Variants in TNNI3K observed in about 807,000 individuals in gnomAD.
TNNI3K encodes TNNI3 interacting kinase, also known as serine/threonine-protein kinase TNNI3K.
A neutral mutation model predicts 114.5 loss-of-function variants in TNNI3K; 140 were observed. That is an observed-to-expected ratio of 1.22 (90% CI 1.07 to 1.41). The LOEUF is 1.41. TNNI3K is among the 40% of genes most tolerant of loss of function. The pLI, the probability that TNNI3K is intolerant of heterozygous loss-of-function variation, is 0.00. For missense variants in TNNI3K, 1,125 were observed against 1,007.6 expected, an observed-to-expected ratio of 1.12 and a Z score of -1.58; for synonymous variants, 347 against 347.5, an observed-to-expected ratio of 1.00 and a Z score of 0.02.
At chr1:74,278,137 C>CTCCT (rs1557469482) in intron 5 of TNNI3K, among the ~76,000 whole-genome samples, 1 of 152,080 alleles carries the variant, frequency 6.6e-6, no homozygotes, top group Non-Finnish European at 1.5e-5. Context: ...GTTTCTCTCT[C>CTCCT]TCTCTTATTT....
chr1:74,345,774 C>G (rs2100452424), intron 9 of TNNI3K: 1 of 152,234 alleles, frequency 6.6e-6, no homozygotes, highest in Non-Finnish European at 1.5e-5. Flanking sequence ...AGGGAAACTA[C>G]AGGAAAAGAA....
rs145038803 is a variant in TNNI3K, at chr1:74,393,193, T to G, written c.1772+22801T>G. Among the ~76,000 whole-genome samples, 328 of 152,250 alleles carry G rather than the reference T, an allele frequency of 2.2e-3. 2 individuals are homozygous for G. Among genetic ancestry groups the G allele is most frequent in the African/African-American group, 7.5e-3 (312 of 41,544 alleles). Reference sequence around the variant, plus strand: ...TTTTCTTCAATTTTATTCTATATGCTATCTCAGATCATTAAAGCAGTGGAG... The same window carrying G: ...TTTTCTTCAATTTTATTCTATATGCGATCTCAGATCATTAAAGCAGTGGAG... On this transcript the variant is annotated intron_variant, in intron 17 of 24. Transcript: ENST00000326637.
chr1:74,354,902 A>T (rs1276120827), intron 11 of TNNI3K, among the ~76,000 whole-genome samples: 2 of 152,190 alleles, frequency 1.3e-5, no homozygotes, highest in Non-Finnish European at 2.9e-5. Flanking sequence ...AATAAAGATG[A>T]TTGATAACAA....
chr1:74,314,738 A>G (rs906662961), intron 5 of TNNI3K, among the ~76,000 whole-genome samples: 3 of 152,186 alleles, frequency 2.0e-5, no homozygotes, highest in Admixed American at 6.5e-5. Flanking sequence ...TAGTGAAAAA[A>G]TATATATGTA....
Position 74,330,077 on chromosome 1 carries a change from G to A in TNNI3K, c.445-1373G>A, listed in dbSNP as rs114349806. ...CATTTGAAGGAAATTATTTCAATGT[G>A]TTGAACAGAAAAGAGAGACTCGAAG... On this transcript the variant is annotated intron_variant, in intron 5 of 24. Coordinates refer to ENST00000326637, the MANE Select transcript of TNNI3K (RefSeq NM_015978.3). Among the ~76,000 whole-genome samples, 703 of 152,156 alleles carry A rather than the reference G, an allele frequency of 4.6e-3. 6 individuals carry two copies. Among genetic ancestry groups the A allele is most frequent in the South Asian group, 0.013 (62 of 4,814 alleles).
intron 23 of TNNI3K, among the ~76,000 whole-genome samples, chr1:74,498,523 T>C (rs1352064412): frequency 2.0e-5 from 3 of 152,174 alleles, no homozygotes; most frequent in Non-Finnish European, 2.9e-5. Context: ...TTTAATTGCA[T>C]GTGGTGAATA....
intron 5 of TNNI3K, among the ~76,000 whole-genome samples, chr1:74,281,479 A>G (rs1433368393): frequency 6.6e-6 from 1 of 152,110 alleles, no homozygotes; most frequent in Admixed American, 6.6e-5. Flanking sequence ...AGTTGTAAAG[A>G]AAAAATGTGG....
At chr1:74,465,110 G>C (rs758628714) in intron 21 of TNNI3K, among the ~76,000 whole-genome samples, 9 of 152,212 alleles carry the variant, frequency 5.9e-5, no homozygotes, top group Non-Finnish European at 1.3e-4. Context: ...GAGCTATTGA[G>C]AGATGACAAC....
intron 5 of TNNI3K, among the ~76,000 whole-genome samples, chr1:74,283,749 A>G (rs1350021011): frequency 6.6e-6 from 1 of 152,138 alleles, no homozygotes; most frequent in East Asian, 1.9e-4. Context: ...CCAACATCCT[A>G]GGTCCTCTAT....
intron 9 of TNNI3K, among the ~76,000 whole-genome samples, chr1:74,351,709 C>T (rs1029299530): frequency 5.9e-5 from 9 of 152,170 alleles, no homozygotes; most frequent in Admixed American, 4.6e-4. Flanking sequence ...CACTTCATTT[C>T]ATTGATTTTG....
chr1:74,435,044 G>A (rs1247244121), intron 17 of TNNI3K, among the ~76,000 whole-genome samples: 3 of 151,820 alleles, frequency 2.0e-5, no homozygotes, highest in Admixed American at 6.6e-5. Flanking sequence ...ATATAATATA[G>A]CCCATATGCA....
intron 4 of TNNI3K, among the ~76,000 whole-genome samples, chr1:74,268,548 A>T (rs1656152832): frequency 6.7e-6 from 1 of 149,766 alleles, no homozygotes; most frequent in Non-Finnish European, 1.5e-5. Context: ...AGGTAAAGGG[A>T]AAGGAGAAAG....
intron 5 of TNNI3K, among the ~76,000 whole-genome samples, chr1:74,315,541 A>G (rs908444004): frequency 6.6e-6 from 1 of 152,036 alleles, no homozygotes; most frequent in East Asian, 1.9e-4. Context: ...TTTGACAAAT[A>G]AAACCAAGTT....
intron 11 of TNNI3K, among the ~76,000 whole-genome samples, chr1:74,359,355 A>G (rs982545271): frequency 1.3e-5 from 2 of 152,034 alleles, no homozygotes; most frequent in Admixed American, 1.3e-4. Flanking sequence ...TCGAATCCAC[A>G]TAACTCCCAA....
chr1:74,300,523 C>T (rs568768656), intron 5 of TNNI3K, among the ~76,000 whole-genome samples: 2 of 152,146 alleles, frequency 1.3e-5, no homozygotes, highest in East Asian at 3.9e-4. Flanking sequence ...TACTAGAGGA[C>T]AAAGTGAAAG....
chr1:74,246,881 C>T (rs1329602239), intron 2 of TNNI3K, among the ~76,000 whole-genome samples: 1 of 152,172 alleles, frequency 6.6e-6, no homozygotes, highest in South Asian at 2.1e-4. Context: ...CCTTGAAAGC[C>T]TCATTCTTAT....
intron 17 of TNNI3K, among the ~76,000 whole-genome samples, chr1:74,418,500 C>A (rs1665241330): frequency 6.6e-6 from 1 of 151,950 alleles, no homozygotes; most frequent in Non-Finnish European, 1.5e-5. Flanking sequence ...ATTTCAAAAG[C>A]ATTGTCAAAA....
intron 20 of TNNI3K, among the ~76,000 whole-genome samples, chr1:74,452,047 A>G (rs45598137): frequency 0.077 from 11,781 of 152,020 alleles, 579 homozygotes; most frequent in African/African-American, 0.13. Context: ...AAATTATTGT[A>G]TGGCTTCCCA....
intron 11 of TNNI3K, among the ~76,000 whole-genome samples, chr1:74,364,236 C>G (rs1389653147): frequency 6.6e-6 from 1 of 151,718 alleles, no homozygotes; most frequent in Admixed American, 6.6e-5. Context: ...AACTCCTGGC[C>G]TCAAACAATC....
Sources: allele counts gnomAD v4.1 joint callset (sites outside exome capture counted in the v4.1 genomes callset), GRCh38; gene constraint gnomAD v4.1.1; transcripts MANE v1.5; gene names NCBI Gene and HGNC (gene_info 2026-07-23, HGNC 2026-07-21).